CAMSAP2: variants seen among roughly 807,000 people sequenced by gnomAD.
CAMSAP2 encodes the protein calmodulin-regulated spectrin-associated protein 2.
A neutral mutation model predicts 146.1 loss-of-function variants in CAMSAP2; 26 were observed. The ratio of observed to expected loss-of-function variants is 0.18; its 90% CI spans 0.13 to 0.25. The LOEUF (loss-of-function observed/expected upper bound fraction) is 0.25. Ranked by LOEUF, CAMSAP2 falls within the 10% of genes least tolerant of loss-of-function variation. The pLI, the probability that CAMSAP2 is intolerant of heterozygous loss-of-function variation, is 1.00. For synonymous variants in CAMSAP2, 499 were observed against 596.6 expected (o/e 0.84, Z 2.38); for missense variants, 1,381 against 1,759.3 (o/e 0.78, Z 3.85).
At chr1:200,763,368 A>G (rs1354360768) in intron 2 of CAMSAP2, among the ~76,000 whole-genome samples, 3 of 152,060 alleles carry the variant, frequency 2.0e-5, no homozygotes, top group African/African-American at 4.8e-5. Flanking sequence ...GCGAAACCCC[A>G]TCTCTACTGA....
At chr1:200,786,972 G>A (rs1353844393) in intron 2 of CAMSAP2, among the ~76,000 whole-genome samples, 1 of 149,230 alleles carries the variant, frequency 6.7e-6, no homozygotes, top group Non-Finnish European at 1.5e-5. Context: ...TCTATTTATA[G>A]CATGGTTTAC....
In CAMSAP2 at chr1:200,829,251, G is replaced by A. The variant is rs114287552; in HGVS notation, c.646-2949G>A. ...TTTGAATTGCATGAATAAATTGCCT[G>A]CATTTAAAAATCATCTTTGTGGCTG... On this transcript the variant is annotated intron_variant, in intron 4 of 16. Transcript: ENST00000358823. 5.6e-3 allele frequency among the ~76,000 whole-genome samples: 853 copies of A among 152,224 alleles called. 11 individuals are homozygous for A. Among genetic ancestry groups the A allele is most frequent in the African/African-American group, 0.02 (820 of 41,544 alleles).
chr1:200,776,190 C>A (rs1046057908), intron 2 of CAMSAP2, among the ~76,000 whole-genome samples: 1 of 152,090 alleles, frequency 6.6e-6, no homozygotes, highest in African/African-American at 2.4e-5. Flanking sequence ...GGTCAGGGAG[C>A]TTGGAAACAT....
chr1:200,816,932 A>G lies in CAMSAP2; in HGVS notation c.645+1288A>G, dbSNP rs576985931. ...CGCGTGTGTATGTGTGTACACACACACGCGTGTGTATGTGTGTACACACAC... is the reference window on the plus strand; with the variant it reads ...CGCGTGTGTATGTGTGTACACACACGCGCGTGTGTATGTGTGTACACACAC... On this transcript the variant is annotated intron_variant, in intron 4 of 16. Coordinates refer to ENST00000358823, the MANE Select transcript of CAMSAP2 (RefSeq NM_203459.4). Among the ~76,000 whole-genome samples the G allele has an allele frequency of 1.8e-3, 130 of 74,242 alleles. 32 individuals carry two copies. Among genetic ancestry groups the G allele is most frequent in the Non-Finnish European group, 2.3e-3 (86 of 38,144 alleles). 48.7% of individuals were successfully genotyped at this position (74,242 alleles called of 152,430 possible). A position where few individuals can be genotyped will look rare whatever the true frequency, so the allele number is the denominator to read the frequency against.
At chr1:200,751,059 C>T (rs1435663832) in intron 1 of CAMSAP2, among the ~76,000 whole-genome samples, 2 of 151,634 alleles carry the variant, frequency 1.3e-5, no homozygotes, top group Non-Finnish European at 2.9e-5. Flanking sequence ...CGTGCCACCA[C>T]GCCCAGCTAA....
chr1:200,803,189 G>A (rs933295495), intron 2 of CAMSAP2, among the ~76,000 whole-genome samples: 1 of 152,194 alleles, frequency 6.6e-6, no homozygotes, highest in Non-Finnish European at 1.5e-5. Context: ...TGTGGGCTCT[G>A]GAGGCAGATT....
chr1:200,764,255 C>T (rs982224162), intron 2 of CAMSAP2, among the ~76,000 whole-genome samples: 2 of 151,816 alleles, frequency 1.3e-5, no homozygotes, highest in African/African-American at 2.4e-5. Context: ...TTCTGTATGC[C>T]AGCCTTTTGG....
In CAMSAP2 at chr1:200,811,272, C is replaced by G. The variant is rs145230910; in HGVS notation, c.561+3735C>G. The stretch of plus-strand genomic sequence containing the variant: ...TTCTTTGGCTTCTCAGCAGTTTTTT[C>G]TCCCTGCACTTCTTAGAATCTTTCC... On this transcript the variant is annotated intron_variant, in intron 3 of 16. Coordinates refer to ENST00000358823, the MANE Select transcript of CAMSAP2 (RefSeq NM_203459.4). Among the ~76,000 whole-genome samples, 362 of 152,240 alleles carry G rather than the reference C, an allele frequency of 2.4e-3. 3 individuals are homozygous for G. Among genetic ancestry groups the G allele is most frequent in the African/African-American group, 8.2e-3 (341 of 41,542 alleles).
At chr1:200,786,383 CTT>C (rs774638509) in intron 2 of CAMSAP2, among the ~76,000 whole-genome samples, 3 of 143,364 alleles carry the variant, frequency 2.1e-5, no homozygotes, top group Non-Finnish European at 3.1e-5. Flanking sequence ...AAATTGCTTT[CTT>C]TTTTTTTTTT....
At chr1:200,772,617 A>T (rs780324837) in intron 2 of CAMSAP2, among the ~76,000 whole-genome samples, 2 of 152,182 alleles carry the variant, frequency 1.3e-5, no homozygotes, top group Non-Finnish European at 2.9e-5. Flanking sequence ...TCAAAAAAAT[A>T]AATAAAAATA....
chr1:200,806,298 T>C (rs1666167924), intron 2 of CAMSAP2, among the ~76,000 whole-genome samples: 1 of 152,160 alleles, frequency 6.6e-6, no homozygotes, highest in Admixed American at 6.5e-5. Flanking sequence ...GAAATGCAAA[T>C]GGTTGCTAAA....
intron 8 of CAMSAP2, among the ~76,000 whole-genome samples, chr1:200,845,286 G>T (rs1667433142): frequency 1.3e-5 from 2 of 149,312 alleles, no homozygotes; most frequent in Admixed American, 6.7e-5. Flanking sequence ...GATAGCTATT[G>T]AGAGATCACA....
rs1392001693 is a variant in CAMSAP2, at chr1:200,849,592, G to C, written c.2823G>C (p.Leu941=). ...TTAAGCCTTCTAAGCAGGCAGGCCTGTCATCAGCCATTGCACCATTCTCCT... is the reference window on the plus strand; with the variant it reads ...TTAAGCCTTCTAAGCAGGCAGGCCTCTCATCAGCCATTGCACCATTCTCCT... ...RDFKPSKQAG[L]SSAIAPFSSD... The change falls in exon 11 of 17, where the codon CTG becomes CTC. Residue 941 remains leucine, a synonymous_variant. Transcript: ENST00000358823. The surrounding 1 kb of genome is among the most constrained non-coding windows in gnomAD (Gnocchi z 6.3). 6.2e-7 allele frequency: 1 copy of C among 1,614,166 alleles called. No homozygotes were observed. Among genetic ancestry groups the C allele is most frequent in the Non-Finnish European group, 8.5e-7 (1 of 1,180,034 alleles).
At chr1:200,755,518 A>T (rs1400028345) in intron 1 of CAMSAP2, among the ~76,000 whole-genome samples, 1 of 152,216 alleles carries the variant, frequency 6.6e-6, no homozygotes, top group South Asian at 2.1e-4. Flanking sequence ...GGAGCTCAGA[A>T]GAGGTGCTTT....
At chr1:200,795,148 T>C (rs1665852854) in intron 2 of CAMSAP2, among the ~76,000 whole-genome samples, 1 of 152,220 alleles carries the variant, frequency 6.6e-6, no homozygotes, top group African/African-American at 2.4e-5. Context: ...TTAGAAGACC[T>C]GAAAAGAGTG....
chr1:200,768,125 A>G (rs1311485547), intron 2 of CAMSAP2, among the ~76,000 whole-genome samples: 1 of 152,200 alleles, frequency 6.6e-6, no homozygotes, highest in African/African-American at 2.4e-5. Flanking sequence ...CATGTTCTTC[A>G]GTGTCTCACT....
intron 1 of CAMSAP2, 47 bp from the exon 2 acceptor site, chr1:200,760,792 C>T: frequency 7.3e-7 from 1 of 1,361,566 alleles, no homozygotes; most frequent in Non-Finnish European, 1.0e-6. Flanking sequence ...TTCTATGTTT[C>T]TTTTATAAAA....
intron 2 of CAMSAP2, among the ~76,000 whole-genome samples, chr1:200,773,111 G>A (rs770622724): frequency 3.3e-5 from 5 of 152,088 alleles, no homozygotes; most frequent in Non-Finnish European, 5.9e-5. Context: ...GTAATCTTAT[G>A]TACATAAGAG....
chr1:200,790,765 T>C (rs1272853227), intron 2 of CAMSAP2, among the ~76,000 whole-genome samples: 2 of 152,242 alleles, frequency 1.3e-5, no homozygotes, highest in Non-Finnish European at 2.9e-5. Context: ...AAAGTCTTCT[T>C]TCTTTTACAT....
Sources: allele counts gnomAD v4.1 joint callset (sites outside exome capture counted in the v4.1 genomes callset), GRCh38; gene constraint gnomAD v4.1.1; non-coding constraint Gnocchi (gnomAD v3.1); transcripts MANE v1.5; gene names NCBI Gene and HGNC (gene_info 2026-07-23, HGNC 2026-07-21).